SPTBN1: variants seen among roughly 807,000 people sequenced by gnomAD.
SPTBN1 encodes the protein spectrin beta chain, non-erythrocytic 1.
A neutral mutation model predicts 266.4 loss-of-function variants in SPTBN1; 32 were observed. The ratio of observed to expected loss-of-function variants is 0.12; its 90% confidence interval spans 0.09 to 0.16. SPTBN1 has a LOEUF of 0.16. Ranked by LOEUF, SPTBN1 falls within the 10% of genes least tolerant of loss-of-function variation. SPTBN1 has a pLI of 1.00. For missense variants in SPTBN1, 2,296 were observed against 3,067.1 expected (o/e 0.75, Z 5.94); for synonymous variants, 1,336 against 1,162.2 (o/e 1.15, Z -3.04).
intron 3 of SPTBN1, among the ~76,000 whole-genome samples, chr2:54,610,962 C>G (rs1205645167): frequency 2.0e-5 from 3 of 152,190 alleles, no homozygotes; most frequent in African/African-American, 7.2e-5. Flanking sequence ...TTTAAGTAGG[C>G]ACTCAACAAT....
chr2:54,508,925 T>C (rs974061921), intron 1 of SPTBN1, among the ~76,000 whole-genome samples: 5 of 152,214 alleles, frequency 3.3e-5, no homozygotes, highest in African/African-American at 1.2e-4. Context: ...AGGAAACTTC[T>C]TTCTGCCTAT....
chr2:54,476,457 G>T (rs1035698586), intron 1 of SPTBN1, among the ~76,000 whole-genome samples: 33 of 152,140 alleles, frequency 2.2e-4, no homozygotes, highest in Non-Finnish European at 1.0e-4. Flanking sequence ...TTGATAAAGG[G>T]CATCTCCTGG....
chr2:54,565,866 T>A (rs900878356), intron 2 of SPTBN1, among the ~76,000 whole-genome samples: 1 of 152,234 alleles, frequency 6.6e-6, no homozygotes, highest in African/African-American at 2.4e-5. Flanking sequence ...CTTCTACATA[T>A]AAATGAACAC....
intron 2 of SPTBN1, among the ~76,000 whole-genome samples, chr2:54,555,369 A>G (rs1293162484): frequency 6.6e-6 from 1 of 152,182 alleles, no homozygotes; most frequent in East Asian, 1.9e-4. Context: ...GGAAATGTGC[A>G]CTTGTCCCCT....
chr2:54,651,960 G>C (rs890990873), intron 26 of SPTBN1, among the ~76,000 whole-genome samples: 2 of 152,076 alleles, frequency 1.3e-5, no homozygotes, highest in African/African-American at 4.8e-5. Context: ...TGTGCAATCA[G>C]GGGTCAGTAA....
chr2:54,541,534 C>A (rs1035008273), intron 2 of SPTBN1, among the ~76,000 whole-genome samples: 2 of 152,184 alleles, frequency 1.3e-5, no homozygotes, highest in African/African-American at 4.8e-5. Context: ...TTTAATCAGT[C>A]GTAATCTTCA....
At chr2:54,641,216 C>G (rs1021987911) in intron 18 of SPTBN1, among the ~76,000 whole-genome samples, 1 of 152,294 alleles carries the variant, frequency 6.6e-6, no homozygotes, top group South Asian at 2.1e-4. Flanking sequence ...TGTGCTGTAT[C>G]GCATGATGCT....
At chr2:54,667,442 C>T (rs1681438631) in intron 34 of SPTBN1, among the ~76,000 whole-genome samples, 162 bp from the exon 35 acceptor site, 1 of 152,112 alleles carries the variant, frequency 6.6e-6, no homozygotes, top group Non-Finnish European at 1.5e-5. Context: ...GGGTCTGTTG[C>T]TGGGCCTGGG....
At chr2:54,478,095 C>G (rs535261606) in intron 1 of SPTBN1, among the ~76,000 whole-genome samples, 1 of 152,118 alleles carries the variant, frequency 6.6e-6, no homozygotes, top group Non-Finnish European at 1.5e-5. Flanking sequence ...TTCACATGGT[C>G]TGAGGCTGAC....
At chr2:54,660,649 G>A in intron 32 of SPTBN1, 1 of 985,448 alleles carries the variant, frequency 1.0e-6, no homozygotes, top group Non-Finnish European at 1.2e-6. Flanking sequence ...TTTAATTTTA[G>A]GCACACAATC....
At chr2:54,481,388 CTGAGTG>C (rs1385786788) in intron 1 of SPTBN1, among the ~76,000 whole-genome samples, 5 of 116,356 alleles carry the variant, frequency 4.3e-5, no homozygotes, top group African/African-American at 1.8e-4. Flanking sequence ...CTGCAGAAAC[CTGAGTG>C]TGTGTGTGTG....
intron 2 of SPTBN1, among the ~76,000 whole-genome samples, chr2:54,579,499 G>T (rs980436674): frequency 1.3e-5 from 2 of 152,148 alleles, no homozygotes; most frequent in Non-Finnish European, 2.9e-5. Flanking sequence ...TCTCTGTATT[G>T]GTAGCATTAG....
In SPTBN1 at chr2:54,646,606, T is replaced by G; in HGVS notation, c.4866+131T>G. 9.6e-7 allele frequency: 1 copy of G among 1,036,466 alleles called. No homozygotes were observed. Among genetic ancestry groups the G allele is most frequent in the Non-Finnish European group, 1.3e-6 (1 of 771,752 alleles). 64.2% of individuals were successfully genotyped at this position (1,036,466 alleles called of 1,614,324 possible). ...CTTTGAGTGTTAAGGGGACACCATG[T>G]GCATGAAGGTGTCTGAAATCCAGCT... On this transcript the variant is annotated intron_variant, in intron 23 of 35. Transcript: ENST00000356805. The surrounding 1 kb of genome is among the most constrained non-coding windows in gnomAD (Gnocchi z 4.4).
rs528705437 is a variant in SPTBN1 at position 54,649,741 on chromosome 2, G to A, written c.5329G>A (p.Ala1777Thr). Reference sequence around the variant, plus strand: ...TGGACATTCAGATGCCGCCACCATCGCTGAATGGAAGGATGGCCTCAATGA... The same window carrying A: ...TGGACATTCAGATGCCGCCACCATCACTGAATGGAAGGATGGCCTCAATGA... Reference protein sequence around the residue: ...NSGHSDAATIAEWKDGLNEAW... With the variant: ...NSGHSDAATITEWKDGLNEAW... Residue 1777 changes from alanine to threonine, a missense_variant, in exon 26 of 36, where the codon GCT becomes ACT. Around this residue, in one of 12 missense-constraint regions of SPTBN1, gnomAD observed 644 missense variants for 745.3 expected, o/e 0.86. Coordinates refer to ENST00000356805, the MANE Select transcript of SPTBN1 (RefSeq NM_003128.3). The surrounding 1 kb of genome is among the most constrained non-coding windows in gnomAD (Gnocchi z 6.7). 4.3e-6 allele frequency: 7 copies of A among 1,614,142 alleles called. No homozygotes were observed. Among genetic ancestry groups the A allele is most frequent in the South Asian group, 1.1e-5 (1 of 91,076 alleles).
intron 1 of SPTBN1, among the ~76,000 whole-genome samples, chr2:54,475,763 C>T (rs1667794454): frequency 6.6e-6 from 1 of 152,188 alleles, no homozygotes; most frequent in East Asian, 1.9e-4. Flanking sequence ...ATCGGTAAGG[C>T]ACATGACTGT....
At chr2:54,659,349 T>A in intron 31 of SPTBN1, 83 bp downstream of exon 31, 2 of 1,328,494 alleles carry the variant, frequency 1.5e-6, no homozygotes, top group Non-Finnish European at 2.2e-6. Context: ...AAGCCTTGCA[T>A]TGCTAGGCCT....
At chr2:54,525,183 T>C (rs1670724668) in intron 1 of SPTBN1, among the ~76,000 whole-genome samples, 1 of 152,226 alleles carries the variant, frequency 6.6e-6, no homozygotes, top group Admixed American at 6.5e-5. Flanking sequence ...GGATAAAGAA[T>C]AGCAAGCGTG....
intron 1 of SPTBN1, among the ~76,000 whole-genome samples, chr2:54,458,729 G>A (rs890279252): frequency 3.9e-5 from 6 of 152,084 alleles, no homozygotes; most frequent in Non-Finnish European, 7.4e-5. Context: ...ATTCAGTGTG[G>A]GATGGCAAAT....
At chr2:54,604,814 T>G (rs918539200) in intron 3 of SPTBN1, among the ~76,000 whole-genome samples, 1 of 151,850 alleles carries the variant, frequency 6.6e-6, no homozygotes, top group African/African-American at 2.4e-5. Context: ...CGGACTGTAG[T>G]GTGAGGGGAA....
Sources: allele counts gnomAD v4.1 joint callset (sites outside exome capture counted in the v4.1 genomes callset), GRCh38; gene constraint gnomAD v4.1.1; regional missense constraint gnomAD v4.1.1; non-coding constraint Gnocchi (gnomAD v3.1); transcripts MANE v1.5; gene names NCBI Gene and HGNC (gene_info 2026-07-23, HGNC 2026-07-21).